SPADH: variants seen among roughly 807,000 people sequenced by gnomAD.
SPADH encodes the protein CUB domain-containing protein.
chr10:122,673,058 T>A, the SPADH span: 1 of 341,704 alleles, frequency 2.9e-6, no homozygotes, highest in African/African-American at 2.2e-5. Context: ...CTCTCTTCCA[T>A]ACAGAATGTT....
chr10:122,676,698 G>C, the SPADH span: 5 of 984,314 alleles, frequency 5.1e-6, no homozygotes, highest in Non-Finnish European at 6.0e-6. Context: ...AATGACACAA[G>C]CCAATCCCAG....
At chr10:122,675,780 C>A in the SPADH span, 1 of 300,108 alleles carries the variant, frequency 3.3e-6, no homozygotes, top group Non-Finnish European at 4.9e-6. Flanking sequence ...AGGGATAATT[C>A]TTGTCCAAAA....
At chr10:122,673,740 G>A in the SPADH span, among the ~76,000 whole-genome samples, 1 of 150,720 alleles carries the variant, frequency 6.6e-6, no homozygotes, top group African/African-American at 2.5e-5. Context: ...TCCTACTCTC[G>A]TCACTTCTTT....
At chr10:122,677,371 G>A in the SPADH span, among the ~76,000 whole-genome samples, 6 of 152,344 alleles carry the variant, frequency 3.9e-5, no homozygotes, top group East Asian at 1.2e-3. Context: ...CTCTGCAGAG[G>A]AGGAGAGATC....
At chr10:122,675,884 A>G in the SPADH span, among the ~76,000 whole-genome samples, 1 of 151,920 alleles carries the variant, frequency 6.6e-6, no homozygotes. Flanking sequence ...AACTTCCCCA[A>G]CACCTCCAAG....
chr10:122,676,599 T>C, the SPADH span, among the ~76,000 whole-genome samples: 1 of 152,168 alleles, frequency 6.6e-6, no homozygotes, highest in Non-Finnish European at 1.5e-5. Context: ...CCCACCTTGT[T>C]TGTGGAGCCA....
chr10:122,676,948 C>T, the SPADH span: 2 of 975,082 alleles, frequency 2.1e-6, no homozygotes, highest in Non-Finnish European at 2.4e-6. Flanking sequence ...AGGAAAGATC[C>T]CATCTTGACC....
At chr10:122,677,882 G>C in the SPADH span, among the ~76,000 whole-genome samples, 4 of 152,180 alleles carry the variant, frequency 2.6e-5, no homozygotes, top group Admixed American at 6.5e-5. Flanking sequence ...GGGGAAACAA[G>C]GAGAGAAGGA....
chr10:122,679,030 C>T, the SPADH span: 60 of 985,042 alleles, frequency 6.1e-5, no homozygotes, highest in Admixed American at 1.2e-4. Flanking sequence ...ACTTTGTTGA[C>T]GCTTGGTCAA....
At chr10:122,678,879 T>G in the SPADH span, 2 of 984,770 alleles carry the variant, frequency 2.0e-6, no homozygotes, top group East Asian at 1.1e-4. Flanking sequence ...TACGTGGAAG[T>G]GCTGGATGGA....
the SPADH span, chr10:122,679,056 A>G: frequency 2.0e-6 from 2 of 982,658 alleles, no homozygotes; most frequent in African/African-American, 3.5e-5. Flanking sequence ...TAATAGGAAG[A>G]TCGGGGGAAG....
the SPADH span, among the ~76,000 whole-genome samples, chr10:122,677,173 A>G: frequency 2.3e-4 from 35 of 152,234 alleles, no homozygotes; most frequent in African/African-American, 7.9e-4. Flanking sequence ...CTGTGCCATT[A>G]CACTGAGTTT....
chr10:122,677,315 G>A, the SPADH span, among the ~76,000 whole-genome samples: 1 of 152,150 alleles, frequency 6.6e-6, no homozygotes, highest in Non-Finnish European at 1.5e-5. Flanking sequence ...TCATGAGTTA[G>A]CTCAAGGACA....
chr10:122,674,104 C>A, the SPADH span, among the ~76,000 whole-genome samples: 95 of 152,312 alleles, frequency 6.2e-4, no homozygotes, highest in Middle Eastern at 3.4e-3. Context: ...GACACAAAGA[C>A]AACTTGATGA....
the SPADH span, among the ~76,000 whole-genome samples, chr10:122,679,421 C>A: frequency 1.3e-5 from 2 of 151,630 alleles, no homozygotes; most frequent in East Asian, 1.9e-4. Context: ...AGTATATGAA[C>A]TATATACTAT....
the SPADH span, chr10:122,672,954 T>C: frequency 0.026 from 25,237 of 984,102 alleles, 1,333 homozygotes; most frequent in African/African-American, 0.19. Context: ...GGCCCTTTCT[T>C]CTGGGCCTCG....
chr10:122,679,133 C>T, the SPADH span: 2 of 426,308 alleles, frequency 4.7e-6, no homozygotes, highest in Non-Finnish European at 6.3e-6. Flanking sequence ...AGAGGCTATA[C>T]CTGGGACTGC....
chr10:122,674,909 G>A, the SPADH span, among the ~76,000 whole-genome samples: 2 of 152,132 alleles, frequency 1.3e-5, no homozygotes, highest in African/African-American at 4.8e-5. Context: ...TAGGCTGCTG[G>A]GACAGTTAAC....
the SPADH span, among the ~76,000 whole-genome samples, chr10:122,675,476 A>G: frequency 3.7e-4 from 56 of 152,208 alleles, no homozygotes; most frequent in Non-Finnish European, 7.3e-4. Context: ...AAATGGGGAC[A>G]GTGACGCCAT....
Sources: gnomAD v4.1 joint callset for allele counts (sites outside exome capture counted in the v4.1 genomes callset) on GRCh38, gnomAD v4.1.1 for gene constraint, MANE v1.5 for transcripts, NCBI Gene and HGNC (gene_info 2026-07-23, HGNC 2026-07-21) for gene names.